The following ANKRD30B variants were observed in gnomAD, a reference collection of about 807,000 sequenced individuals.
ANKRD30B encodes the protein ankyrin repeat domain 30B, also known as ankyrin repeat domain-containing protein 30B.
Under a neutral mutation model 202.2 loss-of-function variants are expected in ANKRD30B, and 144 were observed. That is an observed-to-expected ratio of 0.71 (90% CI 0.62 to 0.82). ANKRD30B has a LOEUF of 0.82. Ranked by LOEUF, ANKRD30B falls within the 40% of genes least tolerant of loss-of-function variation. The pLI is 0.00. For synonymous variants in ANKRD30B, 508 were observed against 561.3 expected (o/e 0.91, Z 1.34); for missense variants, 1,487 against 1,669.1 (o/e 0.89, Z 1.90).
chr18:14,833,877 C>A (rs541165452), intron 34 of ANKRD30B, among the ~76,000 whole-genome samples: 6 of 152,068 alleles, frequency 3.9e-5, no homozygotes, highest in Non-Finnish European at 8.8e-5. Context: ...AAATGATTTA[C>A]CCCAGACTTT....
chr18:14,771,881 A>T (rs1304985075), intron 8 of ANKRD30B, among the ~76,000 whole-genome samples: 2 of 152,204 alleles, frequency 1.3e-5, no homozygotes, highest in Non-Finnish European at 2.9e-5. Context: ...TTATATTGGC[A>T]GTCACTATTT....
chr18:14,855,867 C>T (rs59154653), downstream of ANKRD30B, among the ~76,000 whole-genome samples: 3 of 149,216 alleles, frequency 2.0e-5, no homozygotes, highest in South Asian at 6.5e-4. Context: ...CGCGGCCAGG[C>T]AGAGGTGCTC....
At position 14,757,829 on chromosome 18, in the gene ANKRD30B, T is replaced by C. The variant is rs750134803; in HGVS notation, c.632T>C (p.Leu211Pro). The change falls in exon 5 of 44, where the codon CTT (leucine) becomes CCT (proline). Residue 211 changes from leucine (L) to proline (P), a missense_variant. Leu to Pro is a moderately conservative substitution (Grantham distance 98, BLOSUM62 -3). This residue lies in a region of ANKRD30B where 889 missense variants were observed against 841.4 expected (regional missense o/e 1.06). Transcript: ENST00000690538. Reference protein sequence around the residue: ...FNESKCTALMLAICEGSSEIV... With the variant: ...FNESKCTALMPAICEGSSEIV... ...TGTTATTTTAGCACAGCCCTCATGC[T>C]TGCCATATGTGAAGGCTCATCAGAG... 5 of 1,613,326 alleles carry C rather than the reference T, an allele frequency of 3.1e-6. No individual in the cohort carries two copies. The highest frequency in any genetic ancestry group is 4.2e-6 in the Non-Finnish European group (5 of 1,179,814).
rs771128779 is a variant in ANKRD30B at position 14,791,501 on chromosome 18, AT to A, written c.1825+16del. ...AGTGGAAAATTAGAAGGTAAGAACC[AT>A]TTTTTAATTAAAAAGTCATTTGACC... On this transcript the variant is annotated intron_variant, in intron 16 of 43. Transcript: ENST00000690538. 1.3e-6 allele frequency: 2 copies of A among 1,591,984 alleles called. No homozygotes were observed. Among genetic ancestry groups the A allele is most frequent in the Non-Finnish European group, 8.6e-7 (1 of 1,167,728 alleles).
the ANKRD30B span, chr18:14,903,804 A>C: frequency 6.6e-6 from 1 of 152,200 alleles, no homozygotes; most frequent in Admixed American, 6.5e-5. Flanking sequence ...TTTAAGGTAC[A>C]CCTGGAAAAT....
intron 36 of ANKRD30B, 37 bp from the exon 37 acceptor site, chr18:14,840,550 TA>T (rs202020007): frequency 1.8e-6 from 2 of 1,111,178 alleles, no homozygotes; most frequent in Non-Finnish European, 2.4e-6. Flanking sequence ...TAAAAAATAG[TA>T]AAAAAAGAAA....
intron 5 of ANKRD30B, 85 bp downstream of exon 5, chr18:14,758,037 T>A: frequency 6.9e-7 from 1 of 1,451,136 alleles, no homozygotes; most frequent in Non-Finnish European, 9.2e-7. Flanking sequence ...GTTCACTTCA[T>A]CAGCCAGAAA....
At chr18:14,799,981 G>T (rs968848878) in intron 22 of ANKRD30B, among the ~76,000 whole-genome samples, 5 of 151,868 alleles carry the variant, frequency 3.3e-5, no homozygotes, top group African/African-American at 1.2e-4. Flanking sequence ...CTGTAATCCT[G>T]GCAATTTAGG....
At chr18:14,799,005 T>A in intron 20 of ANKRD30B, 96 bp from the exon 21 acceptor site, 1 of 1,221,044 alleles carries the variant, frequency 8.2e-7, no homozygotes, top group Non-Finnish European at 1.2e-6. Context: ...AATCCAAGCA[T>A]CATGAGGATT....
chr18:14,837,254 T>C lies in ANKRD30B; in HGVS notation c.2891T>C (p.Ile964Thr), dbSNP rs1263769413. 6 of 1,549,624 alleles carry C rather than the reference T, an allele frequency of 3.9e-6. No individual in the cohort carries two copies. Among genetic ancestry groups the C allele is most frequent in the Middle Eastern group, 1.7e-4 (1 of 5,978 alleles). Reference protein sequence around the residue: ...KTVTGQQERDIGIIERAPQDQ... With the variant: ...KTVTGQQERDTGIIERAPQDQ... ...GTAACTGGACAACAGGAACGTGATA[T>C]TGGCATTATTGAACGAGCTCCACAA... Residue 964 changes from isoleucine (I) to threonine (T), a missense_variant, in exon 35 of 44, where the codon ATT becomes ACT. By Grantham distance (89) the Ile-to-Thr change is moderately conservative. Coordinates refer to ENST00000690538, the MANE Select transcript of ANKRD30B (RefSeq NM_001367607.2).
chr18:14,757,121 A>T (rs1914493264), intron 4 of ANKRD30B, among the ~76,000 whole-genome samples: 1 of 152,168 alleles, frequency 6.6e-6, no homozygotes, highest in Non-Finnish European at 1.5e-5. Context: ...GGGAAGAAAG[A>T]CATCTTTAAT....
rs1330717904 is a variant in ANKRD30B, at chr18:14,781,440, G to A, written c.1483-1087G>A. On this transcript the variant is annotated intron_variant, in intron 11 of 43. Coordinates refer to ENST00000690538, the MANE Select transcript of ANKRD30B (RefSeq NM_001367607.2). ...CTCCGGAGTAGCTGGGACTACAGGC[G>A]CCCGCCACCACGCCCAGCTAATTTT... Among the ~76,000 whole-genome samples the A allele has an allele frequency of 2.4e-5, 3 of 124,726 alleles. No homozygotes were observed. The East Asian group carries it at 6.8e-4, about 28-fold the overall frequency. The allele number at this position is 124,726 out of a possible 152,430, so 81.8% of individuals were successfully genotyped here.
intron 4 of ANKRD30B, 53 bp from the exon 5 acceptor site, chr18:14,757,762 G>A (rs1914606067): frequency 6.3e-7 from 1 of 1,576,038 alleles, no homozygotes; most frequent in Non-Finnish European, 8.6e-7. Context: ...TACACTGATA[G>A]GCACATATTA....
At chr18:14,763,641 A>G in intron 6 of ANKRD30B, 45 bp from the exon 7 acceptor site, 5 of 1,598,390 alleles carry the variant, frequency 3.1e-6, no homozygotes, top group Non-Finnish European at 4.3e-6. Flanking sequence ...CAGGAGGATG[A>G]TATTTAAGCA....
At chr18:14,808,629 G>A (rs756971413) in intron 25 of ANKRD30B, 43 bp from the exon 26 acceptor site, 7 of 1,565,354 alleles carry the variant, frequency 4.5e-6, no homozygotes, top group African/African-American at 2.8e-5. Flanking sequence ...TATTTTTGAA[G>A]TATACATTAT....
rs767491459 is a variant in ANKRD30B, at chr18:14,850,270, A to G, written c.3452A>G (p.Lys1151Arg). Residue 1151 changes from lysine (K) to arginine (R), a missense_variant, in exon 41 of 44, where the codon AAA becomes AGA. By Grantham distance (26) the Lys-to-Arg change is conservative. Coordinates refer to ENST00000690538, the MANE Select transcript of ANKRD30B (RefSeq NM_001367607.2). ...KRRNVDILKEKIRPEEQLRKK... is the reference protein window; with the variant it reads ...KRRNVDILKERIRPEEQLRKK... Reference sequence around the variant, plus strand: ...AGAAATGTCGATATATTAAAAGAAAAAATTAGACCCGAAGAGCAACTTAGG... The same window carrying G: ...AGAAATGTCGATATATTAAAAGAAAGAATTAGACCCGAAGAGCAACTTAGG... 1 of 1,591,938 alleles carries G rather than the reference A, an allele frequency of 6.3e-7. No individual in the cohort carries two copies. Among genetic ancestry groups the G allele is most frequent in the Non-Finnish European group, 8.5e-7 (1 of 1,171,146 alleles).
At chr18:14,776,143 A>G (rs1967335797) in intron 9 of ANKRD30B, among the ~76,000 whole-genome samples, 2 of 152,184 alleles carry the variant, frequency 1.3e-5, no homozygotes, top group Admixed American at 1.3e-4. Flanking sequence ...CAGATTTTCC[A>G]TAGAAATATA....
chr18:14,829,591 A>T (rs537657466), intron 33 of ANKRD30B, among the ~76,000 whole-genome samples: 1 of 152,202 alleles, frequency 6.6e-6, no homozygotes, highest in Non-Finnish European at 1.5e-5. Context: ...TCTTATGACA[A>T]GTTTGATGAA....
the ANKRD30B span, among the ~76,000 whole-genome samples, chr18:14,891,649 G>A: frequency 1.5e-4 from 22 of 151,558 alleles, no homozygotes; most frequent in African/African-American, 2.7e-4. Flanking sequence ...ACACAGGCCT[G>A]AATAGGCTAG....
Sources: gnomAD v4.1 joint callset for allele counts (sites outside exome capture counted in the v4.1 genomes callset) on GRCh38, gnomAD v4.1.1 for gene constraint, gnomAD v4.1.1 regional missense constraint, MANE v1.5 for transcripts, NCBI Gene and HGNC (gene_info 2026-07-23, HGNC 2026-07-21) for gene names.